C1orf146: variants seen among roughly 807,000 people sequenced by gnomAD.
C1orf146 encodes protein SPO16 homolog.
In C1orf146, 22 loss-of-function variants were observed where a neutral mutation model predicts 23.0. That is an observed-to-expected ratio of 0.96 (90% confidence interval 0.68 to 1.36). The LOEUF is 1.36. C1orf146 is among the 40% of genes most tolerant of loss of function. The pLI is 0.00. For synonymous variants in C1orf146, 59 were observed against 65.3 expected, an observed-to-expected ratio of 0.90 and a Z score of 0.47; for missense variants, 199 against 206.8, an observed-to-expected ratio of 0.96 and a Z score of 0.23.
chr1:92,244,127 A>G, intron 3 of C1orf146, 90 bp from the exon 4 acceptor site: 1 of 698,570 alleles, frequency 1.4e-6, no homozygotes, highest in Non-Finnish European at 2.3e-6. Flanking sequence ...CACATGTGGT[A>G]TACTTAGTTA....
intron 1 of C1orf146, among the ~76,000 whole-genome samples, chr1:92,223,671 C>T (rs1038868698): frequency 4.6e-5 from 7 of 152,010 alleles, no homozygotes; most frequent in Non-Finnish European, 1.0e-4. Context: ...TAGCTGTGGA[C>T]TACAGGTACG....
intron 1 of C1orf146, among the ~76,000 whole-genome samples, chr1:92,222,949 G>C (rs1032834894): frequency 6.6e-6 from 1 of 152,048 alleles, no homozygotes; most frequent in Non-Finnish European, 1.5e-5. Flanking sequence ...GGGGGCGGGG[G>C]TTGGCATCTT....
chr1:92,238,916 T>A (rs1413500642), intron 2 of C1orf146, among the ~76,000 whole-genome samples: 1 of 152,118 alleles, frequency 6.6e-6, no homozygotes, highest in Non-Finnish European at 1.5e-5. Context: ...TGACTCAGAT[T>A]TTTTGTTATA....
intron 5 of C1orf146, among the ~76,000 whole-genome samples, chr1:92,245,167 G>C (rs1460716957): frequency 6.6e-6 from 1 of 152,188 alleles, no homozygotes; most frequent in East Asian, 1.9e-4. Flanking sequence ...AACGGTCAGA[G>C]TGCAAGCATA....
intron 2 of C1orf146, among the ~76,000 whole-genome samples, chr1:92,233,381 G>T (rs1033632046): frequency 6.6e-5 from 10 of 151,832 alleles, no homozygotes; most frequent in South Asian, 2.1e-4. Context: ...TTTCCCCATT[G>T]CTTGTTTTTC....
At chr1:92,233,782 T>G (rs7520479) in intron 2 of C1orf146, among the ~76,000 whole-genome samples, 72,060 of 151,924 alleles carry the variant, frequency 0.47, 18,120 homozygotes, top group East Asian at 0.96. Context: ...TTCTTTAATT[T>G]CATTGAGCAG....
intron 1 of C1orf146, among the ~76,000 whole-genome samples, chr1:92,230,724 C>T (rs1030417128): frequency 1.1e-4 from 16 of 151,856 alleles, no homozygotes; most frequent in African/African-American, 1.7e-4. Flanking sequence ...AGGCTAGGAT[C>T]GCACCCCTGT....
intron 2 of C1orf146, among the ~76,000 whole-genome samples, chr1:92,239,846 T>C (rs1652387628): frequency 6.6e-6 from 1 of 152,230 alleles, no homozygotes; most frequent in South Asian, 2.1e-4. Flanking sequence ...AAAATTGCAT[T>C]GTCACTCATT....
chr1:92,244,388 A>G lies in C1orf146; in HGVS notation c.329+3A>G. ...CTGATGTTCAGGATTCAGCAGAGGTATGGAAGAATAGCATTATAGACTTAT... is the reference window on the plus strand; with the variant it reads ...CTGATGTTCAGGATTCAGCAGAGGTGTGGAAGAATAGCATTATAGACTTAT... On this transcript the variant is annotated splice_donor_region_variant and intron_variant, in intron 4 of 5. Transcript: ENST00000370375. The G allele has an allele frequency of 1.3e-6, 2 of 1,580,000 alleles. No homozygotes were observed. Among genetic ancestry groups the G allele is most frequent in the Non-Finnish European group, 1.7e-6 (2 of 1,168,292 alleles).
At chr1:92,225,037 G>A (rs987509558) in intron 1 of C1orf146, among the ~76,000 whole-genome samples, 5 of 151,792 alleles carry the variant, frequency 3.3e-5, no homozygotes, top group African/African-American at 1.2e-4. Flanking sequence ...CACCGTGCCC[G>A]GCTTGTTCCT....
At chr1:92,218,867 C>A (rs868230603) in intron 1 of C1orf146, among the ~76,000 whole-genome samples, 1 of 152,186 alleles carries the variant, frequency 6.6e-6, no homozygotes, top group Non-Finnish European at 1.5e-5. Flanking sequence ...GGTCGAGGAG[C>A]TTTTCCCCAG....
At chr1:92,229,558 A>C in intron 1 of C1orf146, 1 of 350,866 alleles carries the variant, frequency 2.9e-6, no homozygotes, top group Non-Finnish European at 5.6e-6. Context: ...CTGTTGGTTA[A>C]TCTGAAGCAG....
At chr1:92,227,028 G>C (rs917774917) in intron 1 of C1orf146, among the ~76,000 whole-genome samples, 2 of 152,128 alleles carry the variant, frequency 1.3e-5, no homozygotes, top group African/African-American at 4.8e-5. Flanking sequence ...AGGACCTAAA[G>C]CACCTTAGGT....
intron 1 of C1orf146, among the ~76,000 whole-genome samples, chr1:92,225,997 T>G (rs996795636): frequency 1.3e-5 from 2 of 152,224 alleles, no homozygotes; most frequent in Non-Finnish European, 1.5e-5. Flanking sequence ...TATTGCTGAC[T>G]GCTATTTAAA....
chr1:92,229,355 G>T (rs1168608274), intron 1 of C1orf146: 3 of 545,356 alleles, frequency 5.5e-6, no homozygotes, highest in Non-Finnish European at 1.1e-5. Context: ...AGGAAGACTG[G>T]AACAGCACCT....
intron 3 of C1orf146, among the ~76,000 whole-genome samples, chr1:92,243,998 C>T (rs1314042204): frequency 4.0e-5 from 6 of 149,118 alleles, no homozygotes; most frequent in African/African-American, 1.5e-4. Flanking sequence ...AAAAGTTTTT[C>T]TCTTATTTAG....
chr1:92,228,258 T>C (rs1221631232), intron 1 of C1orf146, among the ~76,000 whole-genome samples: 2 of 152,222 alleles, frequency 1.3e-5, no homozygotes, highest in African/African-American at 4.8e-5. Context: ...TCTGCCAAAA[T>C]GCTCCAATTG....
chr1:92,225,897 T>C (rs1199541243), intron 1 of C1orf146, among the ~76,000 whole-genome samples: 1 of 152,206 alleles, frequency 6.6e-6, no homozygotes, highest in South Asian at 2.1e-4. Context: ...TTTCAACCTA[T>C]TTGTATCCTT....
At chr1:92,244,502 A>G in intron 4 of C1orf146, 117 bp downstream of exon 4, 2 of 794,724 alleles carry the variant, frequency 2.5e-6, no homozygotes, top group Admixed American at 6.1e-5. Context: ...TTAACCTATC[A>G]AATTTAATGA....
Sources: allele counts gnomAD v4.1 joint callset (sites outside exome capture counted in the v4.1 genomes callset), GRCh38; gene constraint gnomAD v4.1.1; transcripts MANE v1.5; gene names NCBI Gene and HGNC (gene_info 2026-07-23, HGNC 2026-07-21).